The following SLC16A1 variants were observed in gnomAD, a reference collection of about 807,000 sequenced individuals.
The protein encoded by SLC16A1 is solute carrier family 16 member 1, also known as monocarboxylate transporter 1.
A neutral mutation model predicts 32.2 loss-of-function variants in SLC16A1; 11 were observed. The ratio of observed to expected loss-of-function variants is 0.34; its 90% confidence interval spans 0.21 to 0.56. The LOEUF (loss-of-function observed/expected upper bound fraction) is 0.56. SLC16A1 is among the 20% of genes least tolerant of loss of function. The pLI is 0.87. For synonymous variants in SLC16A1, 231 were observed against 226.8 expected, an observed-to-expected ratio of 1.02 and a Z score of -0.17; for missense variants, 435 against 615.0, an observed-to-expected ratio of 0.71 and a Z score of 3.10.
chr1:112,939,005 C>T (rs1473182119), intron 1 of SLC16A1, among the ~76,000 whole-genome samples: 1 of 151,758 alleles, frequency 6.6e-6, no homozygotes, highest in Non-Finnish European at 1.5e-5. Flanking sequence ...ATTCTCCTGC[C>T]TCAGCCTCCT....
intron 2 of SLC16A1, chr1:112,924,339 C>T: frequency 8.4e-6 from 11 of 1,312,774 alleles, no homozygotes; most frequent in Non-Finnish European, 1.2e-5. Context: ...CAACTACTTC[C>T]ACTAGGCCCA....
At chr1:112,923,694 G>T in intron 2 of SLC16A1, 2 of 1,533,298 alleles carry the variant, frequency 1.3e-6, no homozygotes, top group Non-Finnish European at 9.0e-7. Context: ...GCTCAGGCCA[G>T]ACCACAGCAC....
At chr1:112,945,864 C>T (rs1649686106) in intron 1 of SLC16A1, among the ~76,000 whole-genome samples, 2 of 151,166 alleles carry the variant, frequency 1.3e-5, no homozygotes, top group South Asian at 2.1e-4. Flanking sequence ...TGGTGGCGCA[C>T]GCCTGTAATC....
chr1:112,949,702 AT>A (rs1036500828), intron 1 of SLC16A1, among the ~76,000 whole-genome samples: 4 of 150,780 alleles, frequency 2.7e-5, no homozygotes, highest in South Asian at 2.1e-4. Flanking sequence ...ATATAATTTT[AT>A]TTTTTTTTCT....
Position 112,923,825 on chromosome 1 carries a change from C to T in SLC16A1, c.218-1692G>A, listed in dbSNP as rs1209497581. ...CCAAGATCTGTAACCTCTGCAAGAG[C>T]AATGGCTGGACCCTGCCCACTGTGT... is the stretch of plus-strand genomic sequence containing the variant. On this transcript the variant is annotated intron_variant, in intron 2 of 4. Transcript: ENST00000369626. The T allele has an allele frequency of 6.7e-6, 10 of 1,497,880 alleles. No homozygotes were observed. The Admixed American group carries it at 1.7e-4, about 25-fold the overall frequency. 92.8% of individuals were successfully genotyped at this position (1,497,880 alleles called of 1,614,324 possible). A position where few individuals can be genotyped will look rare whatever the true frequency, so the allele number is the denominator to read the frequency against.
At chr1:112,936,480 CA>C (rs35673011) in intron 1 of SLC16A1, among the ~76,000 whole-genome samples, 2,378 of 54,882 alleles carry the variant, frequency 0.043, 23 homozygotes, top group African/African-American at 0.12. Context: ...GACTCTGTCT[CA>C]AAAAAAAAAA....
intron 1 of SLC16A1, among the ~76,000 whole-genome samples, chr1:112,934,933 C>A (rs1236293134): frequency 6.6e-6 from 1 of 152,124 alleles, no homozygotes; most frequent in Non-Finnish European, 1.5e-5. Flanking sequence ...AACGCAATGC[C>A]AATCTAACAC....
intron 1 of SLC16A1, among the ~76,000 whole-genome samples, chr1:112,933,739 C>A (rs1158595634): frequency 6.6e-6 from 1 of 152,160 alleles, no homozygotes; most frequent in Non-Finnish European, 1.5e-5. Flanking sequence ...ACAGATAATT[C>A]CATGACTTTG....
Position 112,917,220 on chromosome 1 carries a change from T to C in SLC16A1, c.1186A>G (p.Ile396Val). Reference sequence around the variant, plus strand: ...AGGAGGACAGGACAGCATTCCACAATGGTCACCAATCCCACAGCGCTGGAG... The same window carrying C: ...AGGAGGACAGGACAGCATTCCACAACGGTCACCAATCCCACAGCGCTGGAG... The part of the protein sequence containing the change: ...RFSSAVGLVT[I>V]VECCPVLLGP... Residue 396 changes from isoleucine to valine, a missense_variant, in exon 4 of 5, where the codon ATT becomes GTT. Ile to Val is a conservative substitution (Grantham distance 29). Coordinates refer to ENST00000369626, the MANE Select transcript of SLC16A1 (RefSeq NM_003051.4). The surrounding 1 kb of genome is among the most constrained non-coding windows in gnomAD (Gnocchi z 4.1). 1.9e-6 allele frequency: 3 copies of C among 1,614,180 alleles called. No homozygotes were observed. Among genetic ancestry groups the C allele is most frequent in the Non-Finnish European group, 2.5e-6 (3 of 1,180,028 alleles).
At chr1:112,955,755 C>G (rs1453027351) in intron 1 of SLC16A1, 3 of 152,340 alleles carry the variant, frequency 2.0e-5, no homozygotes, top group African/African-American at 7.2e-5. Flanking sequence ...CGTCACCGGG[C>G]ACCACGACCC....
chr1:112,938,372 C>T (rs1286891114), intron 1 of SLC16A1, among the ~76,000 whole-genome samples: 2 of 152,114 alleles, frequency 1.3e-5, no homozygotes, highest in African/African-American at 4.8e-5. Context: ...CAAGTTAACT[C>T]CCAAGATTCA....
intron 1 of SLC16A1, among the ~76,000 whole-genome samples, chr1:112,940,596 A>G (rs1454612441): frequency 6.6e-6 from 1 of 152,222 alleles, no homozygotes; most frequent in Non-Finnish European, 1.5e-5. Flanking sequence ...ATTCTGATGT[A>G]TAACAGGGAT....
intron 2 of SLC16A1, among the ~76,000 whole-genome samples, chr1:112,925,013 C>T (rs961144387): frequency 4.6e-5 from 7 of 152,090 alleles, no homozygotes; most frequent in African/African-American, 1.7e-4. Context: ...TAACAGTCAA[C>T]ACAACGTGGG....
intron 4 of SLC16A1, among the ~76,000 whole-genome samples, chr1:112,915,196 A>G (rs543661339): frequency 3.7e-4 from 57 of 152,368 alleles, no homozygotes; most frequent in African/African-American, 1.3e-3. Flanking sequence ...ATGTTAATCA[A>G]GTAACTACAC....
chr1:112,921,753 T>C (rs897535181), intron 3 of SLC16A1, among the ~76,000 whole-genome samples: 1 of 152,228 alleles, frequency 6.6e-6, no homozygotes, highest in Non-Finnish European at 1.5e-5. Flanking sequence ...GGACAAGGAA[T>C]GCAATCATTC....
intron 1 of SLC16A1, among the ~76,000 whole-genome samples, chr1:112,943,732 G>A (rs1019443877): frequency 2.8e-5 from 4 of 142,960 alleles, no homozygotes; most frequent in South Asian, 2.2e-4. Flanking sequence ...AGGTTGTGGT[G>A]AGCCGAGATC....
chr1:112,926,780 G>A (rs1648955529), intron 2 of SLC16A1, among the ~76,000 whole-genome samples: 3 of 151,764 alleles, frequency 2.0e-5, no homozygotes, highest in African/African-American at 7.3e-5. Context: ...AGGGTGAAGG[G>A]GGAGGACCGA....
chr1:112,953,524 C>T (rs1649972197), intron 1 of SLC16A1, among the ~76,000 whole-genome samples: 1 of 152,208 alleles, frequency 6.6e-6, no homozygotes, highest in Non-Finnish European at 1.5e-5. Flanking sequence ...TTTTTACCCT[C>T]CTTTATCCCT....
In SLC16A1 at chr1:112,914,109, C is replaced by T. The variant is rs151166713; in HGVS notation, c.1285G>A (p.Val429Ile). 1.4e-5 allele frequency: 23 copies of T among 1,614,118 alleles called. No individual in the cohort carries two copies. In the East Asian group the frequency reaches 1.8e-4, roughly 13 times the overall value. Reference protein sequence around the residue: ...YKYTYWACGVVLIISGIYLFI... With the variant: ...YKYTYWACGVILIISGIYLFI... Reference sequence around the variant, plus strand: ...AGATAGATACCTGAAATAATTAGGACGACGCCACATGCCCAGTATGTGTAT... The same window carrying T: ...AGATAGATACCTGAAATAATTAGGATGACGCCACATGCCCAGTATGTGTAT... Residue 429 changes from valine to isoleucine, a missense_variant, in exon 5 of 5, where the codon GTC (valine) becomes ATC (isoleucine). Physicochemically the swap from Val to Ile is conservative, Grantham distance 29. Transcript: ENST00000369626.
Sources: gnomAD v4.1 joint callset for allele counts (sites outside exome capture counted in the v4.1 genomes callset) on GRCh38, gnomAD v4.1.1 for gene constraint, Gnocchi (gnomAD v3.1) non-coding constraint, MANE v1.5 for transcripts, NCBI Gene and HGNC (gene_info 2026-07-23, HGNC 2026-07-21) for gene names.